FHOD3: variants seen among roughly 807,000 people sequenced by gnomAD.
FHOD3 encodes the protein formin homology 2 domain containing 3.
A neutral mutation model predicts 173.0 loss-of-function variants in FHOD3; 90 were observed. The observed-to-expected ratio is 0.52, with a 90% CI of 0.44 to 0.62. The LOEUF is 0.62. Among genes scored for constraint, FHOD3 ranks in the 20% least tolerant of loss-of-function variants. FHOD3 has a pLI of 0.00. For missense variants in FHOD3, 1,945 were observed against 2,034.7 expected, an observed-to-expected ratio of 0.96 and a Z score of 0.85; for synonymous variants, 828 against 823.0, an observed-to-expected ratio of 1.01 and a Z score of -0.10.
intron 3 of FHOD3, among the ~76,000 whole-genome samples, chr18:36,385,847 G>A (rs925247915): frequency 2.6e-5 from 4 of 152,224 alleles, no homozygotes; most frequent in Non-Finnish European, 5.9e-5. Context: ...ATCTTGGTGT[G>A]TTCCTGGATT....
intron 28 of FHOD3, among the ~76,000 whole-genome samples, chr18:36,776,467 T>A (rs978790675): frequency 3.9e-4 from 60 of 152,354 alleles, no homozygotes; most frequent in African/African-American, 1.4e-3. Flanking sequence ...ATTACTTTCA[T>A]TTCACGTGGT....
At chr18:36,661,947 T>G (rs2036839081) in intron 14 of FHOD3, among the ~76,000 whole-genome samples, 1 of 152,240 alleles carries the variant, frequency 6.6e-6, no homozygotes, top group African/African-American at 2.4e-5. Flanking sequence ...GAATACAAGA[T>G]GCAACTGTTT....
chr18:36,360,450 A>C (rs2046554360), intron 2 of FHOD3, among the ~76,000 whole-genome samples: 1 of 152,142 alleles, frequency 6.6e-6, no homozygotes, highest in South Asian at 2.1e-4. Context: ...CTCATTTGCC[A>C]AGGGGGCTGG....
At chr18:36,666,122 C>G (rs977582254) in intron 14 of FHOD3, among the ~76,000 whole-genome samples, 1 of 152,254 alleles carries the variant, frequency 6.6e-6, no homozygotes, top group Non-Finnish European at 1.5e-5. Flanking sequence ...ATGTGAGACT[C>G]CATGTGGGAC....
intron 5 of FHOD3, among the ~76,000 whole-genome samples, chr18:36,544,861 A>G (rs963580921): frequency 1.3e-5 from 2 of 152,338 alleles, no homozygotes; most frequent in African/African-American, 4.8e-5. Flanking sequence ...GAGAAATTTT[A>G]CAGATGGTAT....
intron 13 of FHOD3, among the ~76,000 whole-genome samples, chr18:36,655,229 C>T (rs2036338016): frequency 6.6e-6 from 1 of 152,136 alleles, no homozygotes; most frequent in Non-Finnish European, 1.5e-5. Context: ...CTTCCAAGAA[C>T]AATATCTATG....
intron 3 of FHOD3, among the ~76,000 whole-genome samples, chr18:36,394,126 G>A (rs1012527452): frequency 2.0e-5 from 3 of 152,168 alleles, no homozygotes; most frequent in Non-Finnish European, 4.4e-5. Flanking sequence ...GGGAGTAGGG[G>A]AGTGAGAAAT....
At chr18:36,564,752 A>T (rs147699255) in intron 5 of FHOD3, among the ~76,000 whole-genome samples, 2 of 152,048 alleles carry the variant, frequency 1.3e-5, no homozygotes, top group Non-Finnish European at 2.9e-5. Context: ...CCCTCCTTTG[A>T]GAGTTACTAA....
chr18:36,519,197 G>A (rs1327563034), intron 5 of FHOD3, among the ~76,000 whole-genome samples: 1 of 152,178 alleles, frequency 6.6e-6, no homozygotes, highest in East Asian at 1.9e-4. Context: ...GGGTGCAGAG[G>A]ACCCCAAATG....
At chr18:36,633,572 G>A (rs755140906) in intron 10 of FHOD3, among the ~76,000 whole-genome samples, 9 of 152,178 alleles carry the variant, frequency 5.9e-5, no homozygotes, top group East Asian at 1.9e-4. Context: ...TGAGGAAACC[G>A]AAACACAGAG....
At chr18:36,319,226 C>A (rs556395398) in intron 1 of FHOD3, among the ~76,000 whole-genome samples, 2 of 152,166 alleles carry the variant, frequency 1.3e-5, no homozygotes, top group East Asian at 3.9e-4. Context: ...TCAGGAGACC[C>A]ATCTCACGTG....
At chr18:36,685,580 G>T (rs1382182411) in intron 15 of FHOD3, among the ~76,000 whole-genome samples, 1 of 152,182 alleles carries the variant, frequency 6.6e-6, no homozygotes, top group African/African-American at 2.4e-5. Flanking sequence ...TTTAGTTCTA[G>T]TGTGGAAAGT....
chr18:36,569,275 G>T (rs1243818144), intron 5 of FHOD3, among the ~76,000 whole-genome samples: 2 of 152,036 alleles, frequency 1.3e-5, no homozygotes, highest in South Asian at 2.1e-4. Flanking sequence ...GCAAAAGGAT[G>T]CAGGAGAAAA....
chr18:36,334,329 C>G (rs1458411689), intron 1 of FHOD3, among the ~76,000 whole-genome samples: 1 of 152,200 alleles, frequency 6.6e-6, no homozygotes, highest in Non-Finnish European at 1.5e-5. Flanking sequence ...GCAGCTCTTT[C>G]CATAGACACT....
intron 5 of FHOD3, among the ~76,000 whole-genome samples, chr18:36,528,301 G>A (rs2056621120): frequency 6.6e-6 from 1 of 152,208 alleles, no homozygotes; most frequent in Non-Finnish European, 1.5e-5. Flanking sequence ...TGATTAGATG[G>A]AACTTTGACA....
At chr18:36,764,713 G>A (rs1275951867) in intron 27 of FHOD3, among the ~76,000 whole-genome samples, 2 of 152,140 alleles carry the variant, frequency 1.3e-5, no homozygotes, top group African/African-American at 4.8e-5. Flanking sequence ...CGTATGAAAG[G>A]GATTAGAATG....
chr18:36,593,800 T>C (rs1428086325), intron 6 of FHOD3, among the ~76,000 whole-genome samples: 3 of 152,174 alleles, frequency 2.0e-5, no homozygotes, highest in Admixed American at 6.5e-5. Flanking sequence ...GCAGCCACAG[T>C]GCAAATAAGC....
chr18:36,674,100 AG>A (rs1281624751), intron 14 of FHOD3, among the ~76,000 whole-genome samples: 1 of 152,230 alleles, frequency 6.6e-6, no homozygotes, highest in Non-Finnish European at 1.5e-5. Context: ...TTCAAAAGGA[AG>A]GAAAGTCAAA....
Position 36,297,795 on chromosome 18 carries a change from C to A in FHOD3, c.-41C>A. ...ACCCGGGCGTCCCGGCCCGCGGCCC[C>A]GCTAACCCCGGGGCCCGCGCCCCCG... On this transcript the variant is annotated 5_prime_UTR_variant, in exon 1 of 29. Transcript: ENST00000590592. 6.8e-7 allele frequency: 1 copy of A among 1,474,144 alleles called. No homozygotes were observed. Among genetic ancestry groups the A allele is most frequent in the East Asian group, 3.1e-5 (1 of 32,676 alleles). 91.3% of individuals were successfully genotyped at this position (1,474,144 alleles called of 1,614,324 possible).
Sources: gnomAD v4.1 joint callset for allele counts (sites outside exome capture counted in the v4.1 genomes callset) on GRCh38, gnomAD v4.1.1 for gene constraint, MANE v1.5 for transcripts, NCBI Gene and HGNC (gene_info 2026-07-23, HGNC 2026-07-21) for gene names.